C19orf44: variants seen among roughly 807,000 people sequenced by gnomAD.
C19orf44 encodes the protein uncharacterized protein C19orf44.
C19orf44 carries 43 observed loss-of-function variants against 50.7 expected under a neutral mutation model. The ratio of observed to expected loss-of-function variants is 0.85; its 90% CI spans 0.66 to 1.09. The LOEUF is 1.09. Ranked by LOEUF, C19orf44 falls within the 50% of genes least tolerant of loss-of-function variation. C19orf44 has a pLI of 0.00. For missense variants in C19orf44, 722 were observed against 836.2 expected (o/e 0.86, Z 1.68); for synonymous variants, 298 against 334.7 (o/e 0.89, Z 1.20).
Position 16,520,284 on chromosome 19 carries a change from A to G in C19orf44, c.*231A>G. On this transcript the variant is annotated 3_prime_UTR_variant, in exon 9 of 9. Coordinates refer to ENST00000221671, the MANE Select transcript of C19orf44 (RefSeq NM_032207.4). This position sits in a 1 kb window ranked among gnomAD's most constrained non-coding sequence, Gnocchi z 4.0. ...CCGACTTCTGCAGGGAAGGGTGCCC[A>G]AGGGTCAGCAGCAGCCAGGCGTCGT... 1 of 1,613,138 alleles carries G rather than the reference A, an allele frequency of 6.2e-7. No individual in the cohort carries two copies. Among genetic ancestry groups the G allele is most frequent in the Non-Finnish European group, 8.5e-7 (1 of 1,179,794 alleles).
chr19:16,497,633 G>A (rs2093413756), intron 1 of C19orf44, among the ~76,000 whole-genome samples: 3 of 152,166 alleles, frequency 2.0e-5, no homozygotes. Flanking sequence ...ACAGGCGTGA[G>A]CCACTGCGCC....
At chr19:16,506,213 G>A (rs1271331686) in intron 3 of C19orf44, among the ~76,000 whole-genome samples, 3 of 131,184 alleles carry the variant, frequency 2.3e-5, no homozygotes, top group African/African-American at 9.7e-5. Flanking sequence ...CTGACCTTGT[G>A]ATCTGCCCGC....
At chr19:16,509,454 A>G in intron 4 of C19orf44, 45 bp from the exon 5 acceptor site, 1 of 1,523,168 alleles carries the variant, frequency 6.6e-7, no homozygotes, top group African/African-American at 1.4e-5. Context: ...GCATGTTGAT[A>G]TTTCCAAAAC....
Position 16,506,637 on chromosome 19 carries a change from G to T in C19orf44, c.1076-64G>T, listed in dbSNP as rs908023641. On this transcript the variant is annotated intron_variant, in intron 3 of 8. Coordinates refer to ENST00000221671, the MANE Select transcript of C19orf44 (RefSeq NM_032207.4). ...AAGAAAAAAGAAATTTGGAAGGTTT[G>T]TAAAAATTTATGGAGTAAATAAGAG... is the stretch of plus-strand genomic sequence containing the variant. The T allele has an allele frequency of 2.7e-6, 3 of 1,094,224 alleles. No individual in the cohort carries two copies. The Admixed American group carries it at 9.1e-5, about 33-fold the overall frequency. 67.8% of individuals were successfully genotyped at this position (1,094,224 alleles called of 1,614,324 possible).
In C19orf44 at chr19:16,520,053, C is replaced by T. The variant is rs2085594669; in HGVS notation, c.*41-41C>T. Reference sequence around the variant, plus strand: ...TCCCCGGGCTAATGCTGGCGGCCTCCTAACACAGTCTCCTAACCACCAATG... The same window carrying T: ...TCCCCGGGCTAATGCTGGCGGCCTCTTAACACAGTCTCCTAACCACCAATG... On this transcript the variant is annotated intron_variant, in intron 8 of 8. Transcript: ENST00000221671. This position sits in a 1 kb window ranked among gnomAD's most constrained non-coding sequence, Gnocchi z 4.0. 1 of 1,336,286 alleles carries T rather than the reference C, an allele frequency of 7.5e-7. No individual in the cohort carries two copies. The highest frequency in any genetic ancestry group is 1.1e-6 in the Non-Finnish European group (1 of 947,468). The allele number at this position is 1,336,286 out of a possible 1,614,324, so 82.8% of individuals were successfully genotyped here.
At chr19:16,499,537 A>C (rs2122167914) in intron 1 of C19orf44, 1 of 152,140 alleles carries the variant, frequency 6.6e-6, no homozygotes, top group East Asian at 1.9e-4. Context: ...GGCCTCCCAA[A>C]GTGCTGGGAT....
rs370402073 is a variant in C19orf44 at position 16,519,136 on chromosome 19, G to A, written c.*41-958G>A. The A allele has an allele frequency of 2.2e-5, 35 of 1,602,600 alleles. No homozygotes were observed. Among genetic ancestry groups the A allele is most frequent in the Middle Eastern group, 3.3e-4 (2 of 6,048 alleles). Reference sequence around the variant, plus strand: ...CCCACAGCCGGCACCGCTGGCCACCGGCGCGGCTCCCGGCATGGGCGCCTA... The same window carrying A: ...CCCACAGCCGGCACCGCTGGCCACCAGCGCGGCTCCCGGCATGGGCGCCTA... On this transcript the variant is annotated intron_variant, in intron 8 of 8. Transcript: ENST00000221671. This position sits in a 1 kb window ranked among gnomAD's most constrained non-coding sequence, Gnocchi z 6.0.
At chr19:16,514,386 GA>G (rs371373484) in intron 6 of C19orf44, 110 bp from the exon 7 acceptor site, 67,205 of 909,414 alleles carry the variant, frequency 0.074, 1 homozygote, top group South Asian at 0.087. Context: ...CCTGTCTCCA[GA>G]AAAAAAAAAA....
chr19:16,510,112 A>G lies in C19orf44; in HGVS notation c.1639+124A>G, dbSNP rs2093452897. The G allele has an allele frequency of 2.0e-6, 3 of 1,480,994 alleles. No homozygotes were observed. In the African/African-American group the frequency reaches 4.2e-5, roughly 21 times the overall value. 91.7% of individuals were successfully genotyped at this position (1,480,994 alleles called of 1,614,324 possible). ...GAGATTTGGGCTCTTGTTATTAATC[A>G]CCTGGAGGGGTTGGCCAAGCAAGGT... On this transcript the variant is annotated intron_variant, in intron 5 of 8. Transcript: ENST00000221671.
chr19:16,515,155 C>T lies in C19orf44; in HGVS notation c.1902+492C>T, dbSNP rs569038906. ...GATGGGTGGATCACTTGAGGTCAGG[C>T]GTTTGAGACCAGCCCGGCCAACGTG... On this transcript the variant is annotated intron_variant, in intron 7 of 8. Transcript: ENST00000221671. Among the ~76,000 whole-genome samples the T allele has an allele frequency of 3.2e-3, 481 of 152,136 alleles. 3 individuals are homozygous for T. The highest frequency in any genetic ancestry group is 3.9e-3 in the Non-Finnish European group (267 of 67,998).
intron 1 of C19orf44, 29 bp from the exon 2 acceptor site, chr19:16,500,761 CTT>C (rs2093422811): frequency 1.3e-6 from 2 of 1,536,106 alleles, no homozygotes; most frequent in Non-Finnish European, 1.7e-6. Flanking sequence ...AGCAGGTACT[CTT>C]ATGCAAAATT....
Position 16,503,349 on chromosome 19 carries a change from A to G in C19orf44, c.1044A>G (p.Pro348=). ...GTGAGGCTGAGACTGTGGACGAGCC[A>G]GTCTCAGAAGGTGCTGATGACAGCC... ...GRSEAETVDE[P]VSEGADDSLD... is the part of the protein sequence containing the mutation. The change falls in exon 3 of 9, where the codon CCA becomes CCG. Residue 348 remains proline (P), a synonymous_variant. Transcript: ENST00000221671. 6.2e-7 allele frequency: 1 copy of G among 1,612,952 alleles called. No individual in the cohort carries two copies. Among genetic ancestry groups the G allele is most frequent in the Non-Finnish European group, 8.5e-7 (1 of 1,178,964 alleles).
At chr19:16,511,530 C>G (rs1033406147) in intron 5 of C19orf44, among the ~76,000 whole-genome samples, 1 of 152,220 alleles carries the variant, frequency 6.6e-6, no homozygotes, top group South Asian at 2.1e-4. Flanking sequence ...TCGGCTCTTG[C>G]TGGTGGAAAG....
intron 1 of C19orf44, chr19:16,496,827 GC>G (rs2093410654): frequency 6.6e-6 from 1 of 152,658 alleles, no homozygotes; most frequent in South Asian, 2.0e-4. Context: ...AGCTCATCCA[GC>G]TTTAGAACTT....
At chr19:16,502,875 A>G (rs965807229) in intron 2 of C19orf44, among the ~76,000 whole-genome samples, 190 bp from the exon 3 acceptor site, 12 of 151,632 alleles carry the variant, frequency 7.9e-5, no homozygotes, top group African/African-American at 2.9e-4. Context: ...TTGTAGTCCT[A>G]GCTGCTTGGG....
In C19orf44 at chr19:16,519,767, G is replaced by C. The variant is rs533314227; in HGVS notation, c.*41-327G>C. ...TAAGAAGTAACTGAGACATTTATTG[G>C]AATGACAGTGATGAGGACCTCACAG... On this transcript the variant is annotated intron_variant, in intron 8 of 8. Transcript: ENST00000221671. This position sits in a 1 kb window ranked among gnomAD's most constrained non-coding sequence, Gnocchi z 6.0. 3.3e-5 allele frequency: 49 copies of C among 1,464,468 alleles called. No homozygotes were observed. The East Asian group carries it at 1.0e-3, about 31-fold the overall frequency. 90.7% of individuals were successfully genotyped at this position (1,464,468 alleles called of 1,614,324 possible). A position where few individuals can be genotyped will look rare whatever the true frequency, so the allele number is the denominator to read the frequency against.
rs750289385 is a variant in C19orf44 at position 16,520,236 on chromosome 19, C to T, written c.*183C>T. The T allele has an allele frequency of 3.1e-6, 5 of 1,613,294 alleles. No individual in the cohort carries two copies. The South Asian group carries it at 5.5e-5, about 18-fold the overall frequency. On this transcript the variant is annotated 3_prime_UTR_variant, in exon 9 of 9. Transcript: ENST00000221671. The surrounding 1 kb of genome is among the most constrained non-coding windows in gnomAD (Gnocchi z 4.0). ...GGACCGCGACTGGGACCGGGAGCGGCTTCTGGAGGAGCGCGACCTGCTCCG... is the reference window on the plus strand; with the variant it reads ...GGACCGCGACTGGGACCGGGAGCGGTTTCTGGAGGAGCGCGACCTGCTCCG...
chr19:16,501,200 T>C lies in C19orf44; in HGVS notation c.408T>C (p.Ser136=), dbSNP rs728117. The C allele has an allele frequency of 0.32, 509,147 of 1,613,754 alleles. 85,584 individuals are homozygous for C. The highest frequency in any genetic ancestry group is 0.62 in the African/African-American group (46,756 of 74,900). Residue 136 remains serine (S), a synonymous_variant, in exon 2 of 9, where the codon TCT becomes TCC. Transcript: ENST00000221671. Reference sequence around the variant, plus strand: ...CAAAGAGAGCTGACAGAATCCTCTCTGGGGGTGCACTCGAACTCGCGTCCC... The same window carrying C: ...CAAAGAGAGCTGACAGAATCCTCTCCGGGGGTGCACTCGAACTCGCGTCCC... ...GLPKRADRIL[S]GGALELASQN...
chr19:16,520,798 C>CG lies in C19orf44; in HGVS notation c.*747dup, dbSNP rs1859335358. 3 of 1,602,352 alleles carry CG rather than the reference C, an allele frequency of 1.9e-6. No homozygotes were observed. The highest frequency in any genetic ancestry group is 1.3e-5 in the African/African-American group (1 of 74,762). ...TCACAAGCTGTGGACCCTGGCCCCCCGGCCACTGCAGACATCTGCGCTTTT... is the reference window on the plus strand; with the variant it reads ...TCACAAGCTGTGGACCCTGGCCCCCCGGGCCACTGCAGACATCTGCGCTTTT... On this transcript the variant is annotated 3_prime_UTR_variant, in exon 9 of 9. Coordinates refer to ENST00000221671, the MANE Select transcript of C19orf44 (RefSeq NM_032207.4). The surrounding 1 kb of genome is among the most constrained non-coding windows in gnomAD (Gnocchi z 4.0).
Sources: allele counts gnomAD v4.1 joint callset (sites outside exome capture counted in the v4.1 genomes callset), GRCh38; gene constraint gnomAD v4.1.1; non-coding constraint Gnocchi (gnomAD v3.1); transcripts MANE v1.5; gene names NCBI Gene and HGNC (gene_info 2026-07-23, HGNC 2026-07-21).